Variants in DAPK2 observed in about 807,000 individuals in gnomAD.
DAPK2 encodes the protein death-associated protein kinase 2.
A neutral mutation model predicts 44.1 loss-of-function variants in DAPK2; 35 were observed. The ratio of observed to expected loss-of-function variants is 0.79; its 90% CI spans 0.61 to 1.05. DAPK2 has a LOEUF of 1.05. Among genes scored for constraint, DAPK2 ranks in the 50% least tolerant of loss-of-function variants. The pLI is 0.00. For missense variants in DAPK2, 453 were observed against 483.2 expected, an observed-to-expected ratio of 0.94 and a Z score of 0.59; for synonymous variants, 174 against 182.6, an observed-to-expected ratio of 0.95 and a Z score of 0.38.
intron 4 of DAPK2, among the ~76,000 whole-genome samples, chr15:63,932,036 G>A (rs960428067): frequency 2.0e-5 from 3 of 152,042 alleles, no homozygotes; most frequent in Admixed American, 1.3e-4. Flanking sequence ...GTATGGTGGC[G>A]GGTGCTTTTA....
At chr15:63,962,260 T>C (rs1443277818) in intron 3 of DAPK2, among the ~76,000 whole-genome samples, 2 of 151,896 alleles carry the variant, frequency 1.3e-5, no homozygotes, top group Non-Finnish European at 2.9e-5. Flanking sequence ...TTTTTCAAGG[T>C]TTTTAGCTTA....
chr15:64,024,077 C>A (rs1472516841), intron 1 of DAPK2, among the ~76,000 whole-genome samples: 1 of 152,100 alleles, frequency 6.6e-6, no homozygotes, highest in Non-Finnish European at 1.5e-5. Context: ...CCTGGAAGAC[C>A]CTGGTATCAT....
intron 1 of DAPK2, among the ~76,000 whole-genome samples, chr15:63,997,895 A>C (rs2078990874): frequency 6.6e-6 from 1 of 152,224 alleles, no homozygotes; most frequent in African/African-American, 2.4e-5. Flanking sequence ...TCAGTGAGAC[A>C]GGAATGAAAA....
chr15:63,932,804 T>C (rs2140396178), intron 4 of DAPK2: 1 of 152,350 alleles, frequency 6.6e-6, no homozygotes, highest in East Asian at 1.9e-4. Context: ...TGTTTTAGCT[T>C]TATAAAAATG....
chr15:64,008,779 G>A (rs986131739), intron 1 of DAPK2, among the ~76,000 whole-genome samples: 25 of 152,300 alleles, frequency 1.6e-4, no homozygotes, highest in Admixed American at 1.4e-3. Flanking sequence ...AAAATTTCCT[G>A]TGTTTTAAAA....
chr15:64,007,816 T>C (rs1397392481), intron 1 of DAPK2, among the ~76,000 whole-genome samples: 1 of 152,202 alleles, frequency 6.6e-6, no homozygotes, highest in Non-Finnish European at 1.5e-5. Context: ...GGTGTAGCCA[T>C]ACAACTGGAT....
At chr15:63,961,973 G>C (rs1272157819) in intron 3 of DAPK2, among the ~76,000 whole-genome samples, 1 of 152,090 alleles carries the variant, frequency 6.6e-6, no homozygotes, top group Non-Finnish European at 1.5e-5. Flanking sequence ...GTCACTTTCA[G>C]GTACACTAAT....
chr15:63,983,723 C>T lies in DAPK2; in HGVS notation c.124G>A (p.Glu42Lys), dbSNP rs1301021605. 5 of 1,612,716 alleles carry T rather than the reference C, an allele frequency of 3.1e-6. No individual in the cohort carries two copies. The African/African-American group carries it at 5.3e-5, about 17-fold the overall frequency. ...GCATACTCAAGCCCCGTGCTCTTCT[C>T]CCGGCACTTCTTCACGATGGCAAAC... Residue 42 changes from glutamate (E) to lysine (K), a missense_variant, in exon 2 of 11, where the codon GAG becomes AAG. Coordinates refer to ENST00000261891, the Ensembl canonical transcript of DAPK2.
chr15:64,035,357 C>G (rs1205553511), intron 1 of DAPK2, among the ~76,000 whole-genome samples: 1 of 152,208 alleles, frequency 6.6e-6, no homozygotes, highest in Non-Finnish European at 1.5e-5. Context: ...AACATCACTC[C>G]TTCCCAAAGG....
chr15:63,928,500 C>G (rs140489339), intron 6 of DAPK2: 2 of 152,336 alleles, frequency 1.3e-5, no homozygotes, highest in East Asian at 3.9e-4. Context: ...TTGGGAAGGG[C>G]TGATGGAATG....
intron 1 of DAPK2, among the ~76,000 whole-genome samples, chr15:63,998,260 C>T (rs963597900): frequency 5.3e-5 from 8 of 152,134 alleles, no homozygotes; most frequent in African/African-American, 1.4e-4. Flanking sequence ...AAATCACCTC[C>T]GTCCTCAGGG....
chr15:63,954,534 T>A (rs1452042081), intron 3 of DAPK2, among the ~76,000 whole-genome samples: 1 of 152,228 alleles, frequency 6.6e-6, no homozygotes, highest in Non-Finnish European at 1.5e-5. Context: ...AGTACAATGC[T>A]GTTTTGGTTA....
intron 8 of DAPK2, among the ~76,000 whole-genome samples, chr15:63,924,265 C>T (rs914814026): frequency 2.6e-5 from 4 of 152,132 alleles, no homozygotes; most frequent in African/African-American, 9.7e-5. Flanking sequence ...TTTTTTTGCC[C>T]TGACTCTCCC....
At chr15:63,997,807 T>C (rs1229960955) in intron 1 of DAPK2, among the ~76,000 whole-genome samples, 1 of 151,808 alleles carries the variant, frequency 6.6e-6, no homozygotes, top group Admixed American at 6.6e-5. Flanking sequence ...GGCACGGAGG[T>C]CTCTGGAAAG....
chr15:63,910,933 T>C (rs1361180858), intron 10 of DAPK2: 1 of 152,200 alleles, frequency 6.6e-6, no homozygotes, highest in Non-Finnish European at 1.5e-5. Flanking sequence ...GAATATGTCA[T>C]TATTGGCCTG....
chr15:63,967,054 C>T (rs958552613), intron 3 of DAPK2, among the ~76,000 whole-genome samples: 1 of 151,986 alleles, frequency 6.6e-6, no homozygotes, highest in Non-Finnish European at 1.5e-5. Context: ...GTGGTGGGTG[C>T]CTGTAGTCCC....
intron 1 of DAPK2, among the ~76,000 whole-genome samples, chr15:64,018,126 A>T (rs998016744): frequency 6.6e-6 from 1 of 152,184 alleles, no homozygotes; most frequent in African/African-American, 2.4e-5. Flanking sequence ...TTCTCTTAAG[A>T]AATTAAGTGA....
chr15:64,040,897 GAAAAAAA>G (rs3056980), upstream of DAPK2, among the ~76,000 whole-genome samples: 7 of 83,420 alleles, frequency 8.4e-5, no homozygotes, highest in Non-Finnish European at 1.6e-4. Context: ...CTGGGCAACA[GAAAAAAA>G]AAAAAAAAAA....
Position 63,930,464 on chromosome 15 carries a change from A to C in DAPK2, c.584-9T>G. On this transcript the variant is annotated splice_polypyrimidine_tract_variant and intron_variant, in intron 4 of 10. Transcript: ENST00000261891. Reference sequence around the variant, plus strand: ...GTTCACAATTTCTGGAGCTGAAAGAAGTCATATTAAATAGTCAACATGAGT... The same window carrying C: ...GTTCACAATTTCTGGAGCTGAAAGACGTCATATTAAATAGTCAACATGAGT... 2 of 1,614,106 alleles carry C rather than the reference A, an allele frequency of 1.2e-6. No homozygotes were observed. Among genetic ancestry groups the C allele is most frequent in the East Asian group, 2.2e-5 (1 of 44,886 alleles).
Sources: allele counts gnomAD v4.1 joint callset (sites outside exome capture counted in the v4.1 genomes callset), GRCh38; gene constraint gnomAD v4.1.1; transcripts MANE v1.5; gene names NCBI Gene and HGNC (gene_info 2026-07-23, HGNC 2026-07-21).